Variants in SCARB1 observed in about 807,000 individuals in gnomAD.
SCARB1 encodes CD36 and LIMPII analogous 1.
Under a neutral mutation model 57.2 loss-of-function variants are expected in SCARB1, and 30 were observed. The ratio of observed to expected loss-of-function variants is 0.52; its 90% CI spans 0.39 to 0.71. The LOEUF (loss-of-function observed/expected upper bound fraction) is 0.71, where lower values mean the gene tolerates loss of function less well. SCARB1 is among the 30% of genes least tolerant of loss of function. The pLI is 0.00. For missense variants in SCARB1, 543 were observed against 671.2 expected (o/e 0.81, Z 2.11); for synonymous variants, 249 against 268.3 (o/e 0.93, Z 0.70).
At chr12:124,833,365 T>C (rs1951497951) in intron 1 of SCARB1, among the ~76,000 whole-genome samples, 1 of 152,004 alleles carries the variant, frequency 6.6e-6, no homozygotes, top group Admixed American at 6.6e-5. Flanking sequence ...AATTTTTAAA[T>C]TTTTTATAGA....
intron 9 of SCARB1, 91 bp from the exon 10 acceptor site, chr12:124,787,548 A>T: frequency 8.3e-7 from 1 of 1,205,182 alleles, no homozygotes; most frequent in Admixed American, 1.9e-5. Context: ...AAACAGGTTT[A>T]GTATAATTTT....
rs1950324177 is a variant in SCARB1, at chr12:124,806,364, G to A, written c.1009+1397C>T. Among the ~76,000 whole-genome samples, 6 of 152,238 alleles carry A rather than the reference G, an allele frequency of 3.9e-5. No individual in the cohort carries two copies. In the South Asian group the frequency reaches 1.2e-3, roughly 32 times the overall value. On this transcript the variant is annotated intron_variant, in intron 7 of 12. Coordinates refer to ENST00000261693, the MANE Select transcript of SCARB1 (RefSeq NM_005505.5). ...GCAACTTGAGGTGGGGGTGTCTCAGGGACTGGCACACAATTGAGACACACC... is the reference window on the plus strand; with the variant it reads ...GCAACTTGAGGTGGGGGTGTCTCAGAGACTGGCACACAATTGAGACACACC...
intron 9 of SCARB1, among the ~76,000 whole-genome samples, chr12:124,791,686 G>A (rs1054210839): frequency 3.3e-5 from 5 of 152,152 alleles, no homozygotes; most frequent in African/African-American, 1.2e-4. Context: ...ACCGGGCGCA[G>A]TGGCTCACGC....
chr12:124,815,749 C>T (rs991058387), intron 2 of SCARB1, among the ~76,000 whole-genome samples: 2 of 152,150 alleles, frequency 1.3e-5, no homozygotes, highest in African/African-American at 4.8e-5. Flanking sequence ...GCCTGTAATC[C>T]CAGCTACTCG....
intron 4 of SCARB1, among the ~76,000 whole-genome samples, chr12:124,813,109 C>G (rs950862897): frequency 6.6e-6 from 1 of 152,162 alleles, no homozygotes; most frequent in South Asian, 2.1e-4. Flanking sequence ...CTCAGAGCAT[C>G]AGCACACCCA....
chr12:124,863,537 G>T, intron 1 of SCARB1, 58 bp downstream of exon 1: 2 of 1,562,910 alleles, frequency 1.3e-6, no homozygotes, highest in Admixed American at 1.8e-5. Flanking sequence ...TCCTCCCGGC[G>T]CCCAGCGCCC....
intron 9 of SCARB1, among the ~76,000 whole-genome samples, chr12:124,790,377 T>TCAACAACAACAACAA (rs560643861): frequency 1.2e-4 from 18 of 151,766 alleles, no homozygotes; most frequent in Middle Eastern, 3.4e-3. Context: ...AGACTGTGTC[T>TCAACAACAACAACAA]CAACAACAAC....
At chr12:124,856,721 A>G (rs1391016169) in intron 1 of SCARB1, among the ~76,000 whole-genome samples, 1 of 152,180 alleles carries the variant, frequency 6.6e-6, no homozygotes, top group African/African-American at 2.4e-5. Flanking sequence ...AACGCCCGGT[A>G]GGTGGAGACA....
At chr12:124,808,271 C>A (rs1950393049) in intron 6 of SCARB1, among the ~76,000 whole-genome samples, 1 of 152,142 alleles carries the variant, frequency 6.6e-6, no homozygotes, top group African/African-American at 2.4e-5. Flanking sequence ...GCCTGGGGAA[C>A]ATAGTGAGAC....
chr12:124,801,529 T>C (rs1037928411), intron 7 of SCARB1, among the ~76,000 whole-genome samples: 2 of 152,206 alleles, frequency 1.3e-5, no homozygotes, highest in African/African-American at 4.8e-5. Flanking sequence ...ATGCCTGTAA[T>C]CCCAACTCTT....
At chr12:124,821,386 T>C (rs1331692495) in intron 1 of SCARB1, 2 of 985,188 alleles carry the variant, frequency 2.0e-6, no homozygotes, top group East Asian at 1.1e-4. Context: ...TCACCATGCT[T>C]TCCTCCTCCC....
In SCARB1 at chr12:124,825,759, G is replaced by A. The variant is rs10846743; in HGVS notation, c.127-8052C>T. On this transcript the variant is annotated intron_variant, in intron 1 of 12. Transcript: ENST00000261693. ...GGCTGCACAGTGAGTAAACGCCATC[G>A]ACTTGCAGATATCTCAAAGGCAGAA... Among the ~76,000 whole-genome samples the A allele has an allele frequency of 0.038, 5,801 of 152,274 alleles. 755 individuals carry two copies. In the East Asian group the frequency reaches 0.48, roughly 13 times the overall value.
rs569603996 is a variant in SCARB1, at chr12:124,853,271, T to TG, written c.126+10323dup. Among the ~76,000 whole-genome samples, 9 of 151,696 alleles carry TG rather than the reference T, an allele frequency of 5.9e-5. No homozygotes were observed. In the South Asian group the frequency reaches 1.9e-3, roughly 32 times the overall value. On this transcript the variant is annotated intron_variant, in intron 1 of 12. Coordinates refer to ENST00000261693, the MANE Select transcript of SCARB1 (RefSeq NM_005505.5). ...AAAAGGAAGGCCTGTGAGGTTGCAG[T>TG]GGGGTGAGAATGCTGAGTTGAGATG... is the stretch of plus-strand genomic sequence containing the variant.
intron 1 of SCARB1, among the ~76,000 whole-genome samples, chr12:124,861,410 C>T (rs527314353): frequency 3.9e-5 from 6 of 151,972 alleles, no homozygotes; most frequent in South Asian, 2.1e-4. Flanking sequence ...ATTGAATCCA[C>T]GGATGCAGAA....
Position 124,818,382 on chromosome 12 carries a change from G to A in SCARB1, c.127-675C>T, listed in dbSNP as rs967687856. Among the ~76,000 whole-genome samples the A allele has an allele frequency of 5.3e-5, 8 of 152,316 alleles. No homozygotes were observed. In the East Asian group the frequency reaches 7.7e-4, roughly 15 times the overall value. On this transcript the variant is annotated intron_variant, in intron 1 of 12. Coordinates refer to ENST00000261693, the MANE Select transcript of SCARB1 (RefSeq NM_005505.5). ...TGTAATCCCAGAACTTTGGGAGGCC[G>A]AGGTAGGAGGATCACCAGAGCCCAA...
intron 1 of SCARB1, among the ~76,000 whole-genome samples, chr12:124,838,210 G>A (rs1951769201): frequency 6.6e-6 from 1 of 152,218 alleles, no homozygotes; most frequent in Non-Finnish European, 1.5e-5. Context: ...TCCCCTGCCA[G>A]GCCAGCTTCA....
At chr12:124,829,851 C>T (rs950359589) in intron 1 of SCARB1, among the ~76,000 whole-genome samples, 1 of 152,152 alleles carries the variant, frequency 6.6e-6, no homozygotes, top group Admixed American at 6.5e-5. Flanking sequence ...CTAAAGCAGC[C>T]CTTCCCCCAT....
intron 1 of SCARB1, among the ~76,000 whole-genome samples, chr12:124,830,410 A>T (rs1190490975): frequency 6.6e-6 from 1 of 152,234 alleles, no homozygotes; most frequent in Non-Finnish European, 1.5e-5. Flanking sequence ...CGTACCCATA[A>T]CAGCCCAAAA....
Position 124,777,903 on chromosome 12 carries a change from GA to G in SCARB1, c.*683del. 6.6e-6 allele frequency: 1 copy of G among 152,486 alleles called. No homozygotes were observed. Among genetic ancestry groups the G allele is most frequent in the Non-Finnish European group, 1.5e-5 (1 of 68,126 alleles). The allele number at this position is 152,486 out of a possible 1,614,324, so 9.4% of individuals were successfully genotyped here. On this transcript the variant is annotated 3_prime_UTR_variant, in exon 13 of 13. Transcript: ENST00000261693. Reference sequence around the variant, plus strand: ...AGGATGATGTCAGTTTAGGCTGGAGGAAAAGGGCGCCAGACAACCCGATGCA... The same window carrying G: ...AGGATGATGTCAGTTTAGGCTGGAGGAAAGGGCGCCAGACAACCCGATGCA...
Sources: allele counts gnomAD v4.1 joint callset (sites outside exome capture counted in the v4.1 genomes callset), GRCh38; gene constraint gnomAD v4.1.1; transcripts MANE v1.5; gene names NCBI Gene and HGNC (gene_info 2026-07-23, HGNC 2026-07-21).